The following STX8 variants were observed in gnomAD, a reference collection of about 807,000 sequenced individuals.
STX8 encodes syntaxin 8.
Under a neutral mutation model 37.5 loss-of-function variants are expected in STX8, and 23 were observed. That is an observed-to-expected ratio of 0.61 (90% CI 0.44 to 0.87). The LOEUF (loss-of-function observed/expected upper bound fraction) is 0.87, where lower values mean the gene tolerates loss of function less well. Among genes scored for constraint, STX8 ranks in the 40% least tolerant of loss-of-function variants. The pLI is 0.00. For synonymous variants in STX8, 115 were observed against 99.1 expected, an observed-to-expected ratio of 1.16 and a Z score of -0.95; for missense variants, 313 against 284.7, an observed-to-expected ratio of 1.10 and a Z score of -0.71.
At chr17:9,376,637 C>T (rs1010590412) in intron 7 of STX8, among the ~76,000 whole-genome samples, 11 of 152,212 alleles carry the variant, frequency 7.2e-5, no homozygotes, top group Admixed American at 3.3e-4. Flanking sequence ...CTCACTCTTT[C>T]GGTCCGCACC....
intron 7 of STX8, among the ~76,000 whole-genome samples, chr17:9,297,476 G>A (rs1215109159): frequency 1.3e-5 from 2 of 152,174 alleles, no homozygotes; most frequent in African/African-American, 4.8e-5. Flanking sequence ...GTTGGTACAT[G>A]AAAGAGAGAA....
intron 6 of STX8, among the ~76,000 whole-genome samples, chr17:9,424,684 T>C (rs1007148222): frequency 6.6e-6 from 1 of 152,184 alleles, no homozygotes; most frequent in African/African-American, 2.4e-5. Flanking sequence ...CATACAAGCA[T>C]TCTGAACAGG....
intron 7 of STX8, among the ~76,000 whole-genome samples, chr17:9,258,955 G>A (rs1314630171): frequency 6.6e-6 from 1 of 152,212 alleles, no homozygotes; most frequent in Non-Finnish European, 1.5e-5. Flanking sequence ...CCTGGAATCC[G>A]AGGGTATCTG....
intron 7 of STX8, among the ~76,000 whole-genome samples, chr17:9,260,497 G>A (rs1906972997): frequency 1.3e-5 from 2 of 152,148 alleles, no homozygotes; most frequent in East Asian, 1.9e-4. Flanking sequence ...GGTGGTGCAC[G>A]CCTGTAATCC....
intron 6 of STX8, among the ~76,000 whole-genome samples, chr17:9,431,894 CATTT>C: frequency 6.6e-6 from 1 of 152,112 alleles, no homozygotes; most frequent in African/African-American, 2.4e-5. Context: ...CCTAGGACAA[CATTT>C]TGGTTCATAA....
At chr17:9,419,493 G>A (rs1476859192) in intron 6 of STX8, among the ~76,000 whole-genome samples, 1 of 152,168 alleles carries the variant, frequency 6.6e-6, no homozygotes. Context: ...AAAATACATG[G>A]AACCAGTTGG....
intron 6 of STX8, among the ~76,000 whole-genome samples, chr17:9,456,084 C>T (rs1905178522): frequency 6.6e-6 from 1 of 152,126 alleles, no homozygotes; most frequent in Non-Finnish European, 1.5e-5. Flanking sequence ...TCCTAACTAT[C>T]AGGGCTGTTA....
intron 7 of STX8, among the ~76,000 whole-genome samples, chr17:9,345,995 G>A (rs547928392): frequency 1.3e-5 from 2 of 151,812 alleles, no homozygotes; most frequent in South Asian, 4.2e-4. Flanking sequence ...GGAATTACAG[G>A]CACACGCCAC....
intron 6 of STX8, among the ~76,000 whole-genome samples, chr17:9,480,587 T>C (rs999498443): frequency 1.3e-5 from 2 of 152,100 alleles, no homozygotes; most frequent in South Asian, 2.1e-4. Context: ...TTCCAAAAGA[T>C]GGAAAGATGG....
intron 7 of STX8, among the ~76,000 whole-genome samples, chr17:9,373,905 T>C (rs1196337102): frequency 2.7e-5 from 4 of 149,014 alleles, no homozygotes; most frequent in Non-Finnish European, 5.9e-5. Flanking sequence ...CACCATTGCA[T>C]TCCAGTCAGG....
intron 7 of STX8, among the ~76,000 whole-genome samples, chr17:9,318,771 A>T (rs1427125329): frequency 1.3e-5 from 2 of 152,214 alleles, no homozygotes; most frequent in Non-Finnish European, 2.9e-5. Flanking sequence ...TTCATAAGGC[A>T]TACCACTCTT....
chr17:9,304,287 A>C (rs1448088561), intron 7 of STX8, among the ~76,000 whole-genome samples: 1 of 152,190 alleles, frequency 6.6e-6, no homozygotes, highest in Non-Finnish European at 1.5e-5. Flanking sequence ...AGGTGGGCAG[A>C]TCACCTGAGG....
chr17:9,400,705 C>T (rs1308993512), intron 6 of STX8, among the ~76,000 whole-genome samples: 3 of 152,142 alleles, frequency 2.0e-5, no homozygotes, highest in East Asian at 1.9e-4. Flanking sequence ...CGCGCCCGGC[C>T]GAGTCAGTGG....
rs575995181 is a variant in STX8 at position 9,344,589 on chromosome 17, C to T, written c.643+33963G>A. 7.9e-5 allele frequency among the ~76,000 whole-genome samples: 12 copies of T among 152,214 alleles called. 1 individual carries two copies. The South Asian group carries it at 2.5e-3, about 32-fold the overall frequency. ...TCTTTGCTCTCTTCCCATCACCCAG[C>T]CCTCCTCTGTTCAGTGCCCAGGCAC... On this transcript the variant is annotated intron_variant, in intron 7 of 7. Transcript: ENST00000306357.
intron 7 of STX8, among the ~76,000 whole-genome samples, chr17:9,270,409 G>A (rs984262418): frequency 7.9e-5 from 12 of 151,840 alleles, no homozygotes; most frequent in East Asian, 1.9e-4. Flanking sequence ...CACCACGCCC[G>A]GCTAATTTTT....
chr17:9,573,113 C>T (rs1907751014), intron 1 of STX8, among the ~76,000 whole-genome samples: 1 of 135,314 alleles, frequency 7.4e-6, no homozygotes, highest in South Asian at 2.7e-4. Flanking sequence ...TCTGAACGGA[C>T]CCCTACTCTA....
intron 7 of STX8, among the ~76,000 whole-genome samples, chr17:9,256,709 G>A (rs555443463): frequency 3.9e-4 from 60 of 152,318 alleles, no homozygotes; most frequent in African/African-American, 1.3e-3. Context: ...GGCAGAGGCA[G>A]GGAAGAGCTG....
chr17:9,562,384 C>T (rs573712684), intron 2 of STX8, among the ~76,000 whole-genome samples: 7 of 148,998 alleles, frequency 4.7e-5, no homozygotes, highest in Non-Finnish European at 7.4e-5. Flanking sequence ...CCAGCCTGGG[C>T]GACAGAGCGA....
At chr17:9,573,530 C>T (rs1907767775) in intron 1 of STX8, among the ~76,000 whole-genome samples, 1 of 152,112 alleles carries the variant, frequency 6.6e-6, no homozygotes, top group African/African-American at 2.4e-5. Flanking sequence ...TATTATTCTC[C>T]CTAAATTGTA....
Sources: allele counts gnomAD v4.1 joint callset (sites outside exome capture counted in the v4.1 genomes callset), GRCh38; gene constraint gnomAD v4.1.1; transcripts MANE v1.5; gene names NCBI Gene and HGNC (gene_info 2026-07-23, HGNC 2026-07-21).